The following KCNH8 variants were observed in gnomAD, a reference collection of about 807,000 sequenced individuals.
KCNH8 encodes potassium voltage-gated channel subfamily H member 8, also known as voltage-gated delayed rectifier potassium channel KCNH8.
In KCNH8, 70 loss-of-function variants were observed where a neutral mutation model predicts 103.6. The ratio of observed to expected loss-of-function variants is 0.68; its 90% CI spans 0.56 to 0.82. The LOEUF (loss-of-function observed/expected upper bound fraction) is 0.82. Ranked by LOEUF, KCNH8 falls within the 40% of genes least tolerant of loss-of-function variation. The pLI is 0.00. For synonymous variants in KCNH8, 498 were observed against 489.4 expected, an observed-to-expected ratio of 1.02 and a Z score of -0.23; for missense variants, 1,217 against 1,329.9, an observed-to-expected ratio of 0.92 and a Z score of 1.32.
rs1005928993 is a variant in KCNH8, at chr3:19,327,887, TAATA to T, written c.443-14699_443-14696del. The stretch of plus-strand genomic sequence containing the variant: ...ACCTCAAGTCTTCTCTTCTACTAAC[TAATA>T]GAGGGGACAAAACTTACCCCAAAGG... On this transcript the variant is annotated intron_variant, in intron 3 of 15. Transcript: ENST00000328405. Among the ~76,000 whole-genome samples the T allele has an allele frequency of 1.7e-4, 26 of 152,262 alleles. 1 individual carries two copies. Among genetic ancestry groups the T allele is most frequent in the African/African-American group, 4.8e-4 (20 of 41,566 alleles).
rs187269062 is a variant in KCNH8, at chr3:19,272,155, G to C, written c.311-9043G>C. Among the ~76,000 whole-genome samples, 320 of 152,080 alleles carry C rather than the reference G, an allele frequency of 2.1e-3. 1 individual carries two copies. The highest frequency in any genetic ancestry group is 2.5e-3 in the Non-Finnish European group (172 of 67,982). On this transcript the variant is annotated intron_variant, in intron 2 of 15. Coordinates refer to ENST00000328405, the MANE Select transcript of KCNH8 (RefSeq NM_144633.3). ...CAAATCAAGATTAAAATTACCAGAA[G>C]AGAAAGACTGATTGCTTCATTTTGG...
intron 5 of KCNH8, among the ~76,000 whole-genome samples, chr3:19,378,277 A>T (rs2066240374): frequency 6.6e-6 from 1 of 152,234 alleles, no homozygotes; most frequent in African/African-American, 2.4e-5. Flanking sequence ...AGTTGCAAAG[A>T]TGGCTGGGAA....
chr3:19,299,623 C>T (rs1462556101), intron 3 of KCNH8, among the ~76,000 whole-genome samples: 8 of 151,800 alleles, frequency 5.3e-5, no homozygotes, highest in Non-Finnish European at 1.0e-4. Flanking sequence ...CACACCTGCA[C>T]TTGTATCCCT....
At chr3:19,365,838 C>T (rs541600879) in intron 5 of KCNH8, among the ~76,000 whole-genome samples, 4 of 151,830 alleles carry the variant, frequency 2.6e-5, no homozygotes, top group East Asian at 1.9e-4. Flanking sequence ...TCAGTGGCCA[C>T]GCAAAGTATA....
At chr3:19,504,513 G>C (rs985590240) in intron 11 of KCNH8, among the ~76,000 whole-genome samples, 2 of 152,030 alleles carry the variant, frequency 1.3e-5, no homozygotes, top group Non-Finnish European at 2.9e-5. Context: ...ACTAAAAAGT[G>C]GGTAAAGGCC....
At position 19,430,406 on chromosome 3, in the gene KCNH8, C is replaced by T. The variant is rs1344271692; in HGVS notation, c.1178-7758C>T. 1.6e-4 allele frequency among the ~76,000 whole-genome samples: 25 copies of T among 151,542 alleles called. No homozygotes were observed. In the Admixed American group the frequency reaches 1.7e-3, roughly 10 times the overall value. The stretch of plus-strand genomic sequence containing the variant: ...AAGTTGGGTAGCATGATGCCTCCAG[C>T]TTTGTTTTTTTTTGTTTTTGTTTTT... On this transcript the variant is annotated intron_variant, in intron 7 of 15. Transcript: ENST00000328405.
At chr3:19,330,767 T>A (rs2065493960) in intron 3 of KCNH8, among the ~76,000 whole-genome samples, 1 of 152,168 alleles carries the variant, frequency 6.6e-6, no homozygotes, top group African/African-American at 2.4e-5. Flanking sequence ...TAGGCAAATT[T>A]TACGATATTT....
intron 3 of KCNH8, among the ~76,000 whole-genome samples, chr3:19,305,649 TTAGAG>T (rs1259055950): frequency 2.5e-5 from 3 of 121,684 alleles, no homozygotes; most frequent in Non-Finnish European, 5.3e-5. Context: ...GAAAAACATA[TTAGAG>T]TAGTGTTAGT....
At chr3:19,507,810 C>T (rs955190402) in intron 11 of KCNH8, among the ~76,000 whole-genome samples, 7 of 152,172 alleles carry the variant, frequency 4.6e-5, no homozygotes, top group African/African-American at 1.7e-4. Flanking sequence ...CTGAAGGCAA[C>T]AGGGAGGGGC....
intron 11 of KCNH8, among the ~76,000 whole-genome samples, chr3:19,499,423 T>A (rs2068524584): frequency 6.6e-6 from 1 of 152,026 alleles, no homozygotes; most frequent in South Asian, 2.1e-4. Flanking sequence ...ACATTCAGAT[T>A]CAGGAAATAC....
chr3:19,506,457 T>C (rs2068694800), intron 11 of KCNH8, among the ~76,000 whole-genome samples: 1 of 152,192 alleles, frequency 6.6e-6, no homozygotes, highest in Non-Finnish European at 1.5e-5. Flanking sequence ...GTTTGTGCTG[T>C]GATTCAATAG....
At chr3:19,532,271 A>G (rs1372135049) in intron 15 of KCNH8, among the ~76,000 whole-genome samples, 2 of 152,200 alleles carry the variant, frequency 1.3e-5, no homozygotes, top group Non-Finnish European at 2.9e-5. Context: ...TAAAGTACCT[A>G]CAACACAATT....
chr3:19,497,614 T>G (rs2068472110), intron 11 of KCNH8, among the ~76,000 whole-genome samples: 1 of 152,232 alleles, frequency 6.6e-6, no homozygotes. Flanking sequence ...GTGGTTGGTA[T>G]GATTTCAATT....
intron 3 of KCNH8, among the ~76,000 whole-genome samples, chr3:19,294,439 A>G (rs1043885083): frequency 1.6e-4 from 25 of 152,150 alleles, no homozygotes; most frequent in African/African-American, 4.6e-4. Flanking sequence ...ATTTCTAGTA[A>G]AGAGAAGTTG....
intron 11 of KCNH8, among the ~76,000 whole-genome samples, chr3:19,493,433 T>G (rs1479474213): frequency 1.3e-5 from 2 of 152,110 alleles, no homozygotes; most frequent in Non-Finnish European, 2.9e-5. Context: ...TAGATCTGAT[T>G]GTTTTATAAA....
At chr3:19,464,376 C>T (rs1208709160) in intron 11 of KCNH8, among the ~76,000 whole-genome samples, 1 of 152,048 alleles carries the variant, frequency 6.6e-6, no homozygotes, top group Non-Finnish European at 1.5e-5. Context: ...CCATGAGATA[C>T]TTAAAACTCA....
intron 1 of KCNH8, among the ~76,000 whole-genome samples, chr3:19,190,463 T>G (rs1199665956): frequency 1.3e-5 from 2 of 152,024 alleles, no homozygotes; most frequent in African/African-American, 2.4e-5. Context: ...CCTAGAAATA[T>G]TTTGAAAGCT....
intron 1 of KCNH8, among the ~76,000 whole-genome samples, chr3:19,160,688 AG>A (rs1489049102): frequency 2.0e-5 from 3 of 152,140 alleles, no homozygotes; most frequent in Admixed American, 1.3e-4. Context: ...ACAATCCATA[AG>A]ATTTCAATTG....
intron 11 of KCNH8, among the ~76,000 whole-genome samples, chr3:19,483,048 A>T (rs921575599): frequency 2.7e-5 from 4 of 149,786 alleles, no homozygotes; most frequent in African/African-American, 7.5e-5. Context: ...TTTTTTTTTT[A>T]ATTTTTTATA....
Sources: allele counts gnomAD v4.1 joint callset (sites outside exome capture counted in the v4.1 genomes callset), GRCh38; gene constraint gnomAD v4.1.1; transcripts MANE v1.5; gene names NCBI Gene and HGNC (gene_info 2026-07-23, HGNC 2026-07-21).